The following TOX variants were observed in gnomAD, a reference collection of about 807,000 sequenced individuals.
TOX encodes the protein thymocyte selection-associated high mobility group box protein TOX.
Under a neutral mutation model 53.7 loss-of-function variants are expected in TOX, and 11 were observed. The observed-to-expected ratio is 0.20, with a 90% CI of 0.13 to 0.34. TOX has a LOEUF of 0.34. TOX is among the 10% of genes least tolerant of loss of function. The probability of loss-of-function intolerance (pLI) is 1.00; values close to 1 mark genes in which losing one functional copy is unlikely to be tolerated. For synonymous variants in TOX, 225 were observed against 245.3 expected (o/e 0.92, Z 0.77); for missense variants, 570 against 664.6 (o/e 0.86, Z 1.56).
chr8:58,908,710 A>G (rs1811861410), intron 3 of TOX, among the ~76,000 whole-genome samples: 1 of 152,216 alleles, frequency 6.6e-6, no homozygotes, highest in African/African-American at 2.4e-5. Flanking sequence ...GATTATCACA[A>G]GAGCCAATGT....
At chr8:58,970,012 T>C (rs1812974395) in intron 1 of TOX, among the ~76,000 whole-genome samples, 1 of 152,256 alleles carries the variant, frequency 6.6e-6, no homozygotes, top group Admixed American at 6.5e-5. Context: ...TATGGTCTTG[T>C]TGATACATTA....
intron 1 of TOX, among the ~76,000 whole-genome samples, chr8:59,066,554 T>A (rs1804097337): frequency 6.6e-6 from 1 of 152,346 alleles, no homozygotes; most frequent in South Asian, 2.1e-4. Context: ...TCTTCTTTAA[T>A]TACAGATTGC....
intron 3 of TOX, among the ~76,000 whole-genome samples, chr8:58,929,351 C>G (rs1345018048): frequency 6.6e-6 from 1 of 151,928 alleles, no homozygotes; most frequent in African/African-American, 2.4e-5. Context: ...GACTTCATAC[C>G]TTTTCTCCTA....
rs561325225 is a variant in TOX, at chr8:58,872,005, C to A, written c.412-20200G>T. ...TCTCCAATAAAAAGAAATAAGGCTC[C>A]TTAGAAAAATGGCTTGCTCTAGGAC... On this transcript the variant is annotated intron_variant, in intron 3 of 8. Coordinates refer to ENST00000361421, the MANE Select transcript of TOX (RefSeq NM_014729.3). Among the ~76,000 whole-genome samples, 633 of 152,104 alleles carry A rather than the reference C, an allele frequency of 4.2e-3. 10 individuals carry two copies. Among genetic ancestry groups the A allele is most frequent in the African/African-American group, 0.015 (610 of 41,512 alleles).
intron 5 of TOX, among the ~76,000 whole-genome samples, chr8:58,833,158 G>A (rs558439254): frequency 6.6e-6 from 1 of 152,270 alleles, no homozygotes; most frequent in African/African-American, 2.4e-5. Flanking sequence ...CAGCTTTAAA[G>A]CCATTTAATG....
At chr8:58,963,876 G>A (rs1307883047) in intron 1 of TOX, among the ~76,000 whole-genome samples, 3 of 152,134 alleles carry the variant, frequency 2.0e-5, no homozygotes, top group Admixed American at 1.3e-4. Flanking sequence ...ATAGGTCTTC[G>A]GAAATGTTTA....
chr8:58,832,547 G>A (rs1338184588), intron 5 of TOX, among the ~76,000 whole-genome samples: 3 of 152,182 alleles, frequency 2.0e-5, no homozygotes, highest in African/African-American at 7.2e-5. Flanking sequence ...TGTAGTGGGT[G>A]TCTGAGCACC....
chr8:58,995,635 C>A (rs951855607), intron 1 of TOX, among the ~76,000 whole-genome samples: 5 of 152,140 alleles, frequency 3.3e-5, no homozygotes, highest in Non-Finnish European at 7.4e-5. Flanking sequence ...GAGAAATACA[C>A]ACAAAAGTGA....
At chr8:59,116,676 T>G (rs1360669095) in intron 1 of TOX, among the ~76,000 whole-genome samples, 1 of 152,252 alleles carries the variant, frequency 6.6e-6, no homozygotes, top group Non-Finnish European at 1.5e-5. Flanking sequence ...AACATTTCCA[T>G]GAAGTCTTCT....
intron 1 of TOX, among the ~76,000 whole-genome samples, chr8:59,000,062 TAAAA>T (rs914372164): frequency 6.6e-6 from 1 of 152,186 alleles, no homozygotes; most frequent in African/African-American, 2.4e-5. Context: ...TGCATTATTT[TAAAA>T]AATATAATCA....
rs1805143691 is a variant in TOX, at chr8:59,118,259, C to T, written c.102+627G>A. Among the ~76,000 whole-genome samples, 1 of 152,248 alleles carries T rather than the reference C, an allele frequency of 6.6e-6. No homozygotes were observed. Among genetic ancestry groups the T allele is most frequent in the South Asian group, 2.1e-4 (1 of 4,838 alleles). On this transcript the variant is annotated intron_variant, in intron 1 of 8. Transcript: ENST00000361421. This position sits in a 1 kb window ranked among gnomAD's most constrained non-coding sequence, Gnocchi z 4.1. ...GCACCCCTTAAACAGGAACTGTTCC[C>T]CAAACCTTGACCCAGCTACCCCGCT...
intron 6 of TOX, among the ~76,000 whole-genome samples, chr8:58,823,522 C>A (rs942729320): frequency 1.3e-5 from 2 of 152,200 alleles, no homozygotes; most frequent in South Asian, 2.1e-4. Flanking sequence ...CCGTGCCTGG[C>A]TGGTATATAG....
chr8:58,994,391 A>AGTGTGT (rs34690974), intron 1 of TOX, among the ~76,000 whole-genome samples: 39,382 of 146,778 alleles, frequency 0.27, 6,182 homozygotes, highest in South Asian at 0.37. Context: ...CAAAATGCCA[A>AGTGTGT]GTGTGTGTGT....
At position 58,807,554 on chromosome 8, in the gene TOX, T is replaced by C; in HGVS notation, c.*193A>G. 1.7e-6 allele frequency: 1 copy of C among 584,406 alleles called. No individual in the cohort carries two copies. The highest frequency in any genetic ancestry group is 2.9e-5 in the East Asian group (1 of 34,942). 36.2% of individuals were successfully genotyped at this position (584,406 alleles called of 1,614,324 possible). ...CAGGGAAGAAGAAAAACAATGTCCA[T>C]AAAGGATTAAAAAAATAATAAAGAA... On this transcript the variant is annotated 3_prime_UTR_variant, in exon 9 of 9. Transcript: ENST00000361421.
chr8:59,093,140 C>T (rs978472265), intron 1 of TOX, among the ~76,000 whole-genome samples: 4 of 152,226 alleles, frequency 2.6e-5, no homozygotes, highest in Non-Finnish European at 5.9e-5. Context: ...AGAACTTCTG[C>T]AGCTCACGCC....
intron 1 of TOX, among the ~76,000 whole-genome samples, chr8:59,044,302 T>C (rs1585983653): frequency 6.6e-6 from 1 of 150,490 alleles, no homozygotes; most frequent in Admixed American, 6.6e-5. Flanking sequence ...AAACTGTGAA[T>C]AATTAACAGA....
At chr8:59,082,072 T>A (rs1804418849) in intron 1 of TOX, among the ~76,000 whole-genome samples, 1 of 152,252 alleles carries the variant, frequency 6.6e-6, no homozygotes, top group Non-Finnish European at 1.5e-5. Context: ...TCATTTTAGT[T>A]GTGTTGATCT....
intron 1 of TOX, among the ~76,000 whole-genome samples, chr8:59,004,582 G>A (rs1275318987): frequency 6.6e-6 from 1 of 152,170 alleles, no homozygotes; most frequent in African/African-American, 2.4e-5. Context: ...TTTAAATTAA[G>A]ACTAGTAAGA....
At chr8:59,084,289 A>G (rs914389117) in intron 1 of TOX, among the ~76,000 whole-genome samples, 3 of 152,164 alleles carry the variant, frequency 2.0e-5, no homozygotes, top group African/African-American at 7.2e-5. Context: ...GAAAAAGATA[A>G]CGATATATGA....
Sources: allele counts gnomAD v4.1 joint callset (sites outside exome capture counted in the v4.1 genomes callset), GRCh38; gene constraint gnomAD v4.1.1; non-coding constraint Gnocchi (gnomAD v3.1); transcripts MANE v1.5; gene names NCBI Gene and HGNC (gene_info 2026-07-23, HGNC 2026-07-21).